WDPCP: variants seen among roughly 807,000 people sequenced by gnomAD.
WDPCP encodes the protein WD repeat containing planar cell polarity effector, also known as WD repeat-containing and planar cell polarity effector protein fritz homolog.
A neutral mutation model predicts 93.1 loss-of-function variants in WDPCP; 71 were observed. The observed-to-expected ratio is 0.76, with a 90% CI of 0.63 to 0.93. The LOEUF (loss-of-function observed/expected upper bound fraction) is 0.93, where lower values mean the gene tolerates loss of function less well. Ranked by LOEUF, WDPCP falls within the 40% of genes least tolerant of loss-of-function variation. The probability of loss-of-function intolerance (pLI) is 0.00; values close to 1 mark genes in which losing one functional copy is unlikely to be tolerated. For missense variants in WDPCP, 844 were observed against 887.4 expected, an observed-to-expected ratio of 0.95 and a Z score of 0.62; for synonymous variants, 315 against 315.0, an observed-to-expected ratio of 1.00 and a Z score of 0.00.
chr2:63,594,959 C>T (rs528592474), intron 3 of WDPCP: 7 of 248,240 alleles, frequency 2.8e-5, no homozygotes, highest in East Asian at 2.3e-4. Context: ...TCTGCTTCCC[C>T]GCTGAAGCAG....
intron 2 of WDPCP, among the ~76,000 whole-genome samples, chr2:63,730,980 C>T (rs1669552747): frequency 6.6e-6 from 1 of 151,628 alleles, no homozygotes; most frequent in Admixed American, 6.6e-5. Context: ...TCTTAAAAGA[C>T]AAGAATGAGG....
chr2:63,341,647 A>G (rs571252455), intron 12 of WDPCP, among the ~76,000 whole-genome samples: 4 of 152,298 alleles, frequency 2.6e-5, no homozygotes, highest in African/African-American at 7.2e-5. Flanking sequence ...GAAGTCATCA[A>G]CTATTAGTGT....
intron 13 of WDPCP, among the ~76,000 whole-genome samples, chr2:63,268,266 T>C (rs1241419393): frequency 1.3e-5 from 2 of 152,136 alleles, no homozygotes; most frequent in Non-Finnish European, 2.9e-5. Context: ...TATATGGATT[T>C]TTTTTAAATT....
At chr2:63,216,762 C>T (rs1455062190) in intron 14 of WDPCP, among the ~76,000 whole-genome samples, 3 of 151,364 alleles carry the variant, frequency 2.0e-5, no homozygotes. Context: ...AGAACATGGC[C>T]AAACTTAATT....
At chr2:63,533,731 G>C (rs1330828755) in intron 1 of WDPCP, among the ~76,000 whole-genome samples, 1 of 152,164 alleles carries the variant, frequency 6.6e-6, no homozygotes, top group Non-Finnish European at 1.5e-5. Flanking sequence ...GAAATTTATA[G>C]CACTAAATGC....
intron 12 of WDPCP, among the ~76,000 whole-genome samples, chr2:63,322,670 A>C (rs1258289438): frequency 2.0e-5 from 3 of 152,060 alleles, no homozygotes; most frequent in Non-Finnish European, 4.4e-5. Context: ...CTCTGGACAC[A>C]CCATCTTTAA....
At chr2:63,202,701 A>C (rs1318537868) in intron 14 of WDPCP, among the ~76,000 whole-genome samples, 1 of 152,170 alleles carries the variant, frequency 6.6e-6, no homozygotes, top group East Asian at 1.9e-4. Context: ...TAGCATTATG[A>C]AAGCCCTCCT....
At chr2:63,182,851 G>A (rs944397586) in intron 14 of WDPCP, among the ~76,000 whole-genome samples, 29 of 147,036 alleles carry the variant, frequency 2.0e-4, no homozygotes, top group African/African-American at 7.0e-4. Flanking sequence ...GGTCTGCTTA[G>A]GATTTCTATG....
intron 14 of WDPCP, among the ~76,000 whole-genome samples, chr2:63,184,341 T>A (rs1015443457): frequency 1.3e-5 from 2 of 152,172 alleles, no homozygotes; most frequent in Non-Finnish European, 2.9e-5. Flanking sequence ...GTGTATTTTT[T>A]ATGATGGCAA....
chr2:63,609,796 C>T (rs1709595810), intron 3 of WDPCP, among the ~76,000 whole-genome samples: 1 of 151,874 alleles, frequency 6.6e-6, no homozygotes, highest in South Asian at 2.1e-4. Flanking sequence ...CGCTTGAACC[C>T]GGGAGGTCAA....
intron 2 of WDPCP, among the ~76,000 whole-genome samples, chr2:63,678,314 G>T (rs182614612): frequency 1.7e-4 from 26 of 152,264 alleles, no homozygotes; most frequent in Admixed American, 1.0e-3. Context: ...CTCCATTTAG[G>T]GGGGAAACAA....
In WDPCP at chr2:63,401,663, G is replaced by A. The variant is rs141599797; in HGVS notation, c.1435+2385C>T. ...CTACTAAAAATACAAAAATTAGCCAGGCATGGTGGCACATGCCTGTAATCC... is the reference window on the plus strand; with the variant it reads ...CTACTAAAAATACAAAAATTAGCCAAGCATGGTGGCACATGCCTGTAATCC... On this transcript the variant is annotated intron_variant, in intron 10 of 17. Transcript: ENST00000272321. Among the ~76,000 whole-genome samples the A allele has an allele frequency of 1.0e-3, 152 of 152,230 alleles. 6 individuals carry two copies. The East Asian group carries it at 0.022, about 22-fold the overall frequency.
At chr2:63,519,859 C>A (rs1204715523) in intron 1 of WDPCP, among the ~76,000 whole-genome samples, 1 of 152,076 alleles carries the variant, frequency 6.6e-6, no homozygotes, top group Non-Finnish European at 1.5e-5. Flanking sequence ...TACTAGTTCC[C>A]CAGCAATGGT....
chr2:63,286,927 A>G (rs531348158), intron 13 of WDPCP, among the ~76,000 whole-genome samples: 1 of 152,338 alleles, frequency 6.6e-6, no homozygotes, highest in Non-Finnish European at 1.5e-5. Context: ...TGTCATAACA[A>G]AATACCACAG....
chr2:63,702,794 A>G (rs567483220), intron 2 of WDPCP, among the ~76,000 whole-genome samples: 92 of 151,476 alleles, frequency 6.1e-4, no homozygotes, highest in African/African-American at 2.1e-3. Context: ...ATATGTATAC[A>G]TGTGACATGT....
intron 3 of WDPCP, among the ~76,000 whole-genome samples, chr2:63,611,341 T>C (rs1252066650): frequency 6.6e-6 from 1 of 152,220 alleles, no homozygotes; most frequent in Non-Finnish European, 1.5e-5. Flanking sequence ...AGATTTTTTT[T>C]AATACTGTTG....
chr2:63,531,653 A>C (rs1022587853), intron 1 of WDPCP, among the ~76,000 whole-genome samples: 2 of 152,216 alleles, frequency 1.3e-5, no homozygotes, highest in Non-Finnish European at 2.9e-5. Context: ...ACTAGCAAGC[A>C]GAAAAGAATA....
intron 2 of WDPCP, among the ~76,000 whole-genome samples, chr2:63,708,696 A>C (rs1004851559): frequency 6.6e-6 from 1 of 152,092 alleles, no homozygotes; most frequent in Non-Finnish European, 1.5e-5. Flanking sequence ...GAAATGCAGA[A>C]ATCAGCTGTC....
At chr2:63,376,642 A>C (rs1332449299) in intron 12 of WDPCP, among the ~76,000 whole-genome samples, 1 of 151,912 alleles carries the variant, frequency 6.6e-6, no homozygotes, top group African/African-American at 2.4e-5. Context: ...ACAGAGAAAC[A>C]AATATTAGCA....
Sources: gnomAD v4.1 joint callset for allele counts (sites outside exome capture counted in the v4.1 genomes callset) on GRCh38, gnomAD v4.1.1 for gene constraint, MANE v1.5 for transcripts, NCBI Gene and HGNC (gene_info 2026-07-23, HGNC 2026-07-21) for gene names.